RBFOX1: variants seen among roughly 807,000 people sequenced by gnomAD.
RBFOX1 encodes RNA binding fox-1 homolog 1.
Under a neutral mutation model 57.7 loss-of-function variants are expected in RBFOX1, and 8 were observed. The ratio of observed to expected loss-of-function variants is 0.14; its 90% CI spans 0.08 to 0.25. RBFOX1 has a LOEUF of 0.25. Ranked by LOEUF, RBFOX1 falls within the 10% of genes least tolerant of loss-of-function variation. The pLI is 1.00. For synonymous variants in RBFOX1, 326 were observed against 222.4 expected, an observed-to-expected ratio of 1.47 and a Z score of -4.15; for missense variants, 611 against 548.5, an observed-to-expected ratio of 1.11 and a Z score of -1.14.
Position 7,634,694 on chromosome 16 carries a change from G to T in RBFOX1, c.757+4011G>T, listed in dbSNP as rs567584364. Among the ~76,000 whole-genome samples, 8 of 152,000 alleles carry T rather than the reference G, an allele frequency of 5.3e-5. No individual in the cohort carries two copies. The East Asian group carries it at 1.6e-3, about 30-fold the overall frequency. On this transcript the variant is annotated intron_variant, in intron 11 of 15. Coordinates refer to ENST00000550418, the MANE Select transcript of RBFOX1 (RefSeq NM_018723.4). ...AACTAATTCCGTAGACTCTTCCATC[G>T]GACCCCAAATGACTCCAGTTTTTCT... is the stretch of plus-strand genomic sequence containing the variant.
At chr16:7,141,999 T>TCCA (rs1404890389) in intron 4 of RBFOX1, among the ~76,000 whole-genome samples, 3 of 72,026 alleles carry the variant, frequency 4.2e-5, no homozygotes, top group Non-Finnish European at 1.2e-4. Context: ...CTCCTTCTTC[T>TCCA]TCCTCCTTCT....
intron 1 of RBFOX1, among the ~76,000 whole-genome samples, chr16:6,302,254 A>C (rs1447816171): frequency 2.0e-5 from 3 of 149,926 alleles, no homozygotes; most frequent in East Asian, 2.0e-4. Flanking sequence ...TCATGATCTC[A>C]CTCCAGTTTT....
chr16:6,987,568 G>A (rs1050463296), intron 3 of RBFOX1, among the ~76,000 whole-genome samples: 1 of 151,466 alleles, frequency 6.6e-6, no homozygotes, highest in Non-Finnish European at 1.5e-5. Flanking sequence ...CATAAGCATA[G>A]GTGGGCACAG....
intron 14 of RBFOX1, chr16:7,693,197 C>G: frequency 1.3e-6 from 1 of 774,634 alleles, no homozygotes; most frequent in South Asian, 1.6e-5. Context: ...CATTTCCTCG[C>G]AACATCCATT....
At chr16:7,153,775 T>A (rs1348958536) in intron 4 of RBFOX1, among the ~76,000 whole-genome samples, 1 of 151,838 alleles carries the variant, frequency 6.6e-6, no homozygotes, top group Non-Finnish European at 1.5e-5. Flanking sequence ...ACATGTGTTT[T>A]ATTGTTCTGC....
At chr16:5,361,699 A>C (rs1156657458) in intron 1 of RBFOX1, among the ~76,000 whole-genome samples, 1 of 152,208 alleles carries the variant, frequency 6.6e-6, no homozygotes, top group Non-Finnish European at 1.5e-5. Context: ...GTCAACTGAG[A>C]AAAACAATTC....
At chr16:6,623,863 G>T (rs575151948) in intron 2 of RBFOX1, among the ~76,000 whole-genome samples, 1 of 152,144 alleles carries the variant, frequency 6.6e-6, no homozygotes, top group Non-Finnish European at 1.5e-5. Context: ...ATTTGGGTTG[G>T]TTCCAAGTCT....
chr16:7,255,365 T>C (rs1020435914), intron 4 of RBFOX1, among the ~76,000 whole-genome samples: 1 of 152,222 alleles, frequency 6.6e-6, no homozygotes, highest in African/African-American at 2.4e-5. Context: ...GTTGTAATAA[T>C]AGTGACTACT....
At chr16:6,819,936 G>C (rs1378687624) in intron 3 of RBFOX1, among the ~76,000 whole-genome samples, 1 of 152,064 alleles carries the variant, frequency 6.6e-6, no homozygotes, top group East Asian at 1.9e-4. Context: ...CTGCAGAGGT[G>C]ATGTCATCTG....
chr16:7,548,436 A>G (rs990881500), intron 5 of RBFOX1, among the ~76,000 whole-genome samples: 1 of 152,196 alleles, frequency 6.6e-6, no homozygotes, highest in East Asian at 1.9e-4. Context: ...GATTACAGGT[A>G]TGAGCCACTG....
intron 4 of RBFOX1, among the ~76,000 whole-genome samples, chr16:7,335,732 T>A (rs929162432): frequency 2.6e-5 from 4 of 152,212 alleles, no homozygotes; most frequent in African/African-American, 9.6e-5. Flanking sequence ...CAGGATCTTT[T>A]ATTCCAAGCA....
At chr16:7,669,610 C>T (rs1305135395) in intron 13 of RBFOX1, among the ~76,000 whole-genome samples, 2 of 152,120 alleles carry the variant, frequency 1.3e-5, no homozygotes, top group African/African-American at 2.4e-5. Context: ...TTCCTAAATT[C>T]TGTATAACAA....
chr16:6,855,042 G>T (rs1358007215), intron 3 of RBFOX1, among the ~76,000 whole-genome samples: 3 of 151,948 alleles, frequency 2.0e-5, no homozygotes, highest in African/African-American at 7.3e-5. Flanking sequence ...TTGGGAGGTG[G>T]GTGGGAGGAG....
intron 3 of RBFOX1, among the ~76,000 whole-genome samples, chr16:5,663,332 G>C (rs1316480912): frequency 6.6e-6 from 1 of 151,794 alleles, no homozygotes; most frequent in Admixed American, 6.6e-5. Flanking sequence ...CATTTCCCAG[G>C]TAGTTGAGAC....
chr16:6,891,171 A>G (rs952414391), intron 3 of RBFOX1, among the ~76,000 whole-genome samples: 5 of 152,212 alleles, frequency 3.3e-5, no homozygotes, highest in East Asian at 1.9e-4. Context: ...GTGCCAATGC[A>G]TCCATTTTTA....
chr16:7,355,037 G>A (rs1007080118), intron 4 of RBFOX1, among the ~76,000 whole-genome samples: 7 of 152,198 alleles, frequency 4.6e-5, no homozygotes, highest in Non-Finnish European at 7.3e-5. Flanking sequence ...GTACCAGACA[G>A]TGTGCTAAGC....
intron 3 of RBFOX1, among the ~76,000 whole-genome samples, chr16:7,003,665 C>G (rs565787162): frequency 2.6e-5 from 4 of 152,002 alleles, no homozygotes; most frequent in African/African-American, 9.6e-5. Flanking sequence ...CATGTAGCAT[C>G]AAAGGAACAT....
chr16:6,884,871 C>G (rs919710255), intron 3 of RBFOX1, among the ~76,000 whole-genome samples: 1 of 152,150 alleles, frequency 6.6e-6, no homozygotes, highest in Non-Finnish European at 1.5e-5. Flanking sequence ...GCACTCCAGC[C>G]TGCATGGCAG....
chr16:6,916,030 C>T (rs8046101), intron 3 of RBFOX1, among the ~76,000 whole-genome samples: 1 of 151,934 alleles, frequency 6.6e-6, no homozygotes, highest in East Asian at 1.9e-4. Flanking sequence ...GCTGTCTTGA[C>T]TGGCAGGAAG....
Sources: allele counts gnomAD v4.1 joint callset (sites outside exome capture counted in the v4.1 genomes callset), GRCh38; gene constraint gnomAD v4.1.1; transcripts MANE v1.5; gene names NCBI Gene and HGNC (gene_info 2026-07-23, HGNC 2026-07-21).